NRCAM: variants seen among roughly 807,000 people sequenced by gnomAD.
NRCAM encodes the protein neuronal cell adhesion molecule, also known as NgCAM-related cell adhesion molecule.
NRCAM carries 83 observed loss-of-function variants against 156.5 expected under a neutral mutation model. That is an observed-to-expected ratio of 0.53 (90% confidence interval 0.44 to 0.64). The LOEUF is 0.64. Ranked by LOEUF, NRCAM falls within the 30% of genes least tolerant of loss-of-function variation. NRCAM has a pLI of 0.00. For missense variants in NRCAM, 1,417 were observed against 1,597.3 expected (o/e 0.89, Z 1.92); for synonymous variants, 538 against 563.9 (o/e 0.95, Z 0.65).
intron 1 of NRCAM, among the ~76,000 whole-genome samples, chr7:108,420,275 A>T (rs1380564903): frequency 6.6e-6 from 1 of 152,142 alleles, no homozygotes; most frequent in Non-Finnish European, 1.5e-5. Flanking sequence ...TTTCAGACAC[A>T]CACAAATCCT....
intron 2 of NRCAM, among the ~76,000 whole-genome samples, chr7:108,395,490 C>T (rs983011414): frequency 6.6e-6 from 1 of 152,146 alleles, no homozygotes; most frequent in Non-Finnish European, 1.5e-5. Flanking sequence ...CTTTTTAAAA[C>T]CCCACATTAT....
At position 108,194,266 on chromosome 7, in the gene NRCAM, G is replaced by T. The variant is rs761223933; in HGVS notation, c.1626C>A (p.Ile542=). The part of the protein sequence containing the change: ...GMAKNEVHLE[I]KDPTWIVKQP... ...AACACATTACCTCTGCCTTACCTTTGATTTCTAAGTGAACTTCATTCTTCG... is the reference window on the plus strand; with the variant it reads ...AACACATTACCTCTGCCTTACCTTTTATTTCTAAGTGAACTTCATTCTTCG... The change falls in exon 16 of 33, where the codon ATC becomes ATA. Residue 542 remains isoleucine, a synonymous_variant. Transcript: ENST00000379028. 4.3e-6 allele frequency: 7 copies of T among 1,611,372 alleles called. No homozygotes were observed. The Admixed American group carries it at 5.0e-5, about 12-fold the overall frequency.
chr7:108,248,731 A>C (rs73199578), intron 3 of NRCAM, among the ~76,000 whole-genome samples: 1 of 152,088 alleles, frequency 6.6e-6, no homozygotes, highest in South Asian at 2.1e-4. Context: ...GATGCACACA[A>C]CTTTTGCTCA....
intron 32 of NRCAM, among the ~76,000 whole-genome samples, chr7:108,155,270 C>G (rs897286070): frequency 2.6e-5 from 4 of 151,588 alleles, no homozygotes; most frequent in Non-Finnish European, 5.9e-5. Flanking sequence ...GTGTATCAGA[C>G]ATTAATTATT....
chr7:108,383,863 G>A (rs1002840031), intron 2 of NRCAM, among the ~76,000 whole-genome samples: 7 of 152,118 alleles, frequency 4.6e-5, no homozygotes, highest in African/African-American at 1.4e-4. Context: ...TCTGAGATGC[G>A]TAACTGAACT....
At chr7:108,234,261 C>T (rs1170458521) in intron 6 of NRCAM, among the ~76,000 whole-genome samples, 2 of 152,084 alleles carry the variant, frequency 1.3e-5, no homozygotes, top group East Asian at 3.9e-4. Context: ...AGCATGGGCA[C>T]AGAAATGCAA....
chr7:108,257,378 A>C (rs192534613), intron 3 of NRCAM, among the ~76,000 whole-genome samples: 69 of 152,316 alleles, frequency 4.5e-4, no homozygotes, highest in Admixed American at 4.6e-4. Flanking sequence ...AAGAAAGTTA[A>C]CTGGAACATC....
chr7:108,288,129 A>G (rs981024730), intron 3 of NRCAM, among the ~76,000 whole-genome samples: 1 of 152,138 alleles, frequency 6.6e-6, no homozygotes, highest in African/African-American at 2.4e-5. Context: ...TAGTGAAATG[A>G]CTGAAAACAG....
At chr7:108,182,164 G>C (rs984482214) in intron 23 of NRCAM, among the ~76,000 whole-genome samples, 6 of 150,946 alleles carry the variant, frequency 4.0e-5, no homozygotes, top group Non-Finnish European at 5.9e-5. Context: ...CAAATTCCTT[G>C]ACTCAAGGGA....
At chr7:108,162,990 T>A (rs1318173973) in intron 30 of NRCAM, among the ~76,000 whole-genome samples, 1 of 152,050 alleles carries the variant, frequency 6.6e-6, no homozygotes, top group Non-Finnish European at 1.5e-5. Flanking sequence ...ATAACCATGA[T>A]CATGCATCAC....
chr7:108,389,233 G>A (rs557179519), intron 2 of NRCAM, among the ~76,000 whole-genome samples: 15 of 152,044 alleles, frequency 9.9e-5, no homozygotes, highest in South Asian at 6.2e-4. Flanking sequence ...CTCTTATTTC[G>A]TTGAGCAGTC....
chr7:108,252,657 C>A (rs1466811553), intron 3 of NRCAM, among the ~76,000 whole-genome samples: 1 of 151,558 alleles, frequency 6.6e-6, no homozygotes, highest in African/African-American at 2.4e-5. Context: ...ATAGATAAAT[C>A]TCAGTGTTTT....
chr7:108,301,263 G>C (rs1260285074), intron 3 of NRCAM, among the ~76,000 whole-genome samples: 2 of 152,208 alleles, frequency 1.3e-5, no homozygotes, highest in African/African-American at 2.4e-5. Context: ...TTTCATTACA[G>C]ATGCCAAAGT....
chr7:108,269,134 A>G (rs897939948), intron 3 of NRCAM, among the ~76,000 whole-genome samples: 1 of 152,002 alleles, frequency 6.6e-6, no homozygotes, highest in African/African-American at 2.4e-5. Context: ...GAGGCATCAA[A>G]AACTCGAATC....
chr7:108,405,657 T>C (rs2099805190), intron 1 of NRCAM, among the ~76,000 whole-genome samples: 1 of 152,108 alleles, frequency 6.6e-6, no homozygotes, highest in South Asian at 2.1e-4. Context: ...AACAAAAACT[T>C]TGCAAAGAGG....
intron 3 of NRCAM, among the ~76,000 whole-genome samples, chr7:108,259,199 C>T (rs2096796154): frequency 6.6e-6 from 1 of 152,226 alleles, no homozygotes; most frequent in South Asian, 2.1e-4. Context: ...TAAGCATACT[C>T]ATCACTTCCT....
chr7:108,338,604 GAC>G (rs2099235540), intron 2 of NRCAM, among the ~76,000 whole-genome samples: 1 of 151,694 alleles, frequency 6.6e-6, no homozygotes, highest in South Asian at 2.1e-4. Context: ...CAGAGAGAGA[GAC>G]AGAGAGGAGA....
intron 4 of NRCAM, among the ~76,000 whole-genome samples, chr7:108,238,770 G>T (rs2095320346): frequency 6.6e-6 from 1 of 152,020 alleles, no homozygotes; most frequent in South Asian, 2.1e-4. Context: ...TTTGAAAATT[G>T]AAATTAAGGT....
At chr7:108,179,199 C>A (rs2062191485) in intron 25 of NRCAM, among the ~76,000 whole-genome samples, 1 of 152,172 alleles carries the variant, frequency 6.6e-6, no homozygotes. Context: ...GCTCATGGAG[C>A]TCATTAAACC....
Sources: allele counts gnomAD v4.1 joint callset (sites outside exome capture counted in the v4.1 genomes callset), GRCh38; gene constraint gnomAD v4.1.1; transcripts MANE v1.5; gene names NCBI Gene and HGNC (gene_info 2026-07-23, HGNC 2026-07-21).